Variants in SEPTIN4 observed in about 807,000 individuals in gnomAD.
SEPTIN4 encodes the protein septin-4.
Under a neutral mutation model 107.1 loss-of-function variants are expected in SEPTIN4, and 52 were observed. The observed-to-expected ratio is 0.49, with a 90% CI of 0.39 to 0.61. The LOEUF (loss-of-function observed/expected upper bound fraction) is 0.61, where lower values mean the gene tolerates loss of function less well. SEPTIN4 is among the 20% of genes least tolerant of loss of function. The pLI, the probability that SEPTIN4 is intolerant of heterozygous loss-of-function variation, is 0.00. For synonymous variants in SEPTIN4, 417 were observed against 467.0 expected (o/e 0.89, Z 1.38); for missense variants, 1,048 against 1,243.5 (o/e 0.84, Z 2.36).
chr17:58,543,370 G>C lies in SEPTIN4; in HGVS notation c.817C>G (p.Leu273Val), dbSNP rs1474286068. The C allele has an allele frequency of 9.3e-6, 15 of 1,614,094 alleles. No homozygotes were observed. Among genetic ancestry groups the C allele is most frequent in the Non-Finnish European group, 1.3e-5 (15 of 1,180,046 alleles). ...GAATCTTTAAGGACAGAGAGTTTGA[G>C]CAATGAGTCCAAGTTCATATTCCTA... The part of the protein sequence containing the change: ...LYRNMNLDSL[L>V]KLSVLKDSDG... The change falls in exon 1 of 14, where the codon CTC (leucine) becomes GTC (valine). Residue 273 changes from leucine (L) to valine (V), a missense_variant. Leu to Val is a conservative substitution (Grantham distance 32). This residue lies in a region of SEPTIN4 where 787 missense variants were observed against 871.8 expected (regional missense o/e 0.90). Coordinates refer to ENST00000672673, the MANE Select transcript of SEPTIN4 (RefSeq NM_001368771.2).
At chr17:58,527,871 C>A in intron 3 of SEPTIN4, 1 of 985,772 alleles carries the variant, frequency 1.0e-6, no homozygotes, top group Non-Finnish European at 1.2e-6. Flanking sequence ...CTGGCCTGAA[C>A]CATGACCCAC....
intron 3 of SEPTIN4, chr17:58,529,338 G>A: frequency 6.8e-7 from 1 of 1,479,600 alleles, no homozygotes; most frequent in Middle Eastern, 1.8e-4. Context: ...TCTGGCAGGG[G>A]CCAAAAAAGC....
chr17:58,533,863 G>C (rs1026289189), intron 3 of SEPTIN4, among the ~76,000 whole-genome samples: 18 of 152,224 alleles, frequency 1.2e-4, no homozygotes, highest in Admixed American at 1.1e-3. Context: ...CGTGCTTCCA[G>C]AGTCCTGTGG....
chr17:58,529,191 T>G lies in SEPTIN4; in HGVS notation c.1615-2213A>C, dbSNP rs767826411. 3 of 1,614,040 alleles carry G rather than the reference T, an allele frequency of 1.9e-6. No homozygotes were observed. In the African/African-American group the frequency reaches 4.0e-5, roughly 22 times the overall value. ...ACGGTCCATGTCCCACGCTTCAGAC[T>G]CCCTGTCAGAAAGCTCTAGGTCTAA... On this transcript the variant is annotated intron_variant, in intron 3 of 13. Transcript: ENST00000672673.
In SEPTIN4 at chr17:58,539,131, A is replaced by G. The variant is rs116249969; in HGVS notation, c.1614+1535T>C. Reference sequence around the variant, plus strand: ...TCCTACCTCCAGAGAGTCAGAGAAGACCAGCAGCCCAGCTGCTTGGGAGCC... The same window carrying G: ...TCCTACCTCCAGAGAGTCAGAGAAGGCCAGCAGCCCAGCTGCTTGGGAGCC... On this transcript the variant is annotated intron_variant, in intron 3 of 13. Coordinates refer to ENST00000672673, the MANE Select transcript of SEPTIN4 (RefSeq NM_001368771.2). The G allele has an allele frequency of 1.9e-3, 2,913 of 1,533,408 alleles. 56 individuals are homozygous for G. In the African/African-American group the frequency reaches 0.036, roughly 19 times the overall value. 95.0% of individuals were successfully genotyped at this position (1,533,408 alleles called of 1,614,324 possible). A position where few individuals can be genotyped will look rare whatever the true frequency, so the allele number is the denominator to read the frequency against.
At chr17:58,535,916 C>T (rs12942018) in intron 3 of SEPTIN4, among the ~76,000 whole-genome samples, 34,453 of 152,126 alleles carry the variant, frequency 0.23, 4,257 homozygotes, top group South Asian at 0.33. Flanking sequence ...AGCCTTGAGG[C>T]TCTGCGCTTC....
In SEPTIN4 at chr17:58,522,114, C is replaced by T. The variant is rs377594269; in HGVS notation, c.2217-13G>A. ...CACAGGCTTCCAGCTGGGGCAGGGACAGACAAGCAGAGAAACTGTGAGAGT... is the reference window on the plus strand; with the variant it reads ...CACAGGCTTCCAGCTGGGGCAGGGATAGACAAGCAGAGAAACTGTGAGAGT... On this transcript the variant is annotated splice_polypyrimidine_tract_variant and intron_variant, in intron 7 of 13. Transcript: ENST00000672673. 2 of 1,613,936 alleles carry T rather than the reference C, an allele frequency of 1.2e-6. No homozygotes were observed. The highest frequency in any genetic ancestry group is 4.5e-5 in the East Asian group (2 of 44,880).
At chr17:58,537,924 G>A (rs1452168615) in intron 3 of SEPTIN4, among the ~76,000 whole-genome samples, 1 of 150,892 alleles carries the variant, frequency 6.6e-6, no homozygotes, top group East Asian at 2.0e-4. Flanking sequence ...TCAACTACGA[G>A]CCTCTGCCCA....
intron 3 of SEPTIN4, among the ~76,000 whole-genome samples, chr17:58,534,511 G>A (rs1480339278): frequency 1.3e-5 from 2 of 152,210 alleles, no homozygotes; most frequent in Non-Finnish European, 2.9e-5. Context: ...AGTCACTGGG[G>A]ATTTACCGAG....
intron 3 of SEPTIN4, chr17:58,529,491 C>A (rs1207133957): frequency 2.2e-5 from 28 of 1,257,640 alleles, no homozygotes; most frequent in Admixed American, 2.0e-4. Flanking sequence ...CGCCTGCCTG[C>A]TGCCTACCCT....
intron 2 of SEPTIN4, chr17:58,541,646 C>T (rs1310494203): frequency 1.2e-6 from 1 of 862,350 alleles, no homozygotes; most frequent in Non-Finnish European, 1.8e-6. Context: ...ACCAACTAAG[C>T]TGAAAAGGCC....
chr17:58,526,642 G>A, intron 4 of SEPTIN4, 40 bp downstream of exon 4: 1 of 1,528,474 alleles, frequency 6.5e-7, no homozygotes, highest in Non-Finnish European at 8.7e-7. Flanking sequence ...TCTTCCTGCA[G>A]CAGCCCACTG....
chr17:58,540,896 A>C (rs2043861325), intron 2 of SEPTIN4: 2 of 393,170 alleles, frequency 5.1e-6, no homozygotes, highest in Non-Finnish European at 9.0e-6. Context: ...ATTGGTAATA[A>C]CTTGTAATAA....
chr17:58,537,344 G>A (rs538807109), intron 3 of SEPTIN4, among the ~76,000 whole-genome samples: 15 of 152,268 alleles, frequency 9.9e-5, no homozygotes, highest in Non-Finnish European at 1.8e-4. Flanking sequence ...AACCAGCAAA[G>A]TCCCAGGCAA....
rs1425549655 is a variant in SEPTIN4 at position 58,525,743 on chromosome 17, G to T, written c.2044C>A (p.Leu682Ile). The stretch of plus-strand genomic sequence containing the variant: ...TCCCGGTACAGATCAGTGAGGAAGA[G>T]GCTATTGACAAGTGTGGATTTGCCC... ...GLGKSTLVNS[L>I]FLTDLYRDRK... is the part of the protein sequence containing the mutation. The change falls in exon 6 of 14, where the codon CTC becomes ATC. Residue 682 changes from leucine to isoleucine, a missense_variant. By Grantham distance (5) the Leu-to-Ile change is conservative. Transcript: ENST00000672673. The T allele has an allele frequency of 6.2e-7, 1 of 1,614,074 alleles. No homozygotes were observed. The highest frequency in any genetic ancestry group is 8.5e-7 in the Non-Finnish European group (1 of 1,180,038).
rs115179582 is a variant in SEPTIN4 at position 58,528,117 on chromosome 17, G to A, written c.1615-1139C>T. Reference sequence around the variant, plus strand: ...ACAATGGACAAGGGCCGGCTGCAGAGGCTGACTCACTCTCTGAGGGTTAGC... The same window carrying A: ...ACAATGGACAAGGGCCGGCTGCAGAAGCTGACTCACTCTCTGAGGGTTAGC... On this transcript the variant is annotated intron_variant, in intron 3 of 13. Transcript: ENST00000672673. 4,863 of 843,838 alleles carry A rather than the reference G, an allele frequency of 5.8e-3. 203 individuals carry two copies. In the African/African-American group the frequency reaches 0.082, roughly 14 times the overall value. The allele number at this position is 843,838 out of a possible 1,614,324, so 52.3% of individuals were successfully genotyped here.
At chr17:58,529,501 T>G in intron 3 of SEPTIN4, 41 of 1,170,964 alleles carry the variant, frequency 3.5e-5, no homozygotes, top group Non-Finnish European at 4.4e-5. Flanking sequence ...CTGCCTACCC[T>G]GGTGGGCACA....
intron 3 of SEPTIN4, chr17:58,527,391 T>A (rs2043035057): frequency 5.5e-6 from 2 of 363,580 alleles, no homozygotes; most frequent in Non-Finnish European, 1.1e-5. Context: ...GACAGAGGCA[T>A]TAAACCCAAA....
At chr17:58,542,029 C>T in intron 1 of SEPTIN4, 63 bp from the exon 2 acceptor site, 1 of 1,555,104 alleles carries the variant, frequency 6.4e-7, no homozygotes, top group Non-Finnish European at 8.8e-7. Flanking sequence ...CCACTCTCCA[C>T]TACTTGCAGC....
Sources: gnomAD v4.1 joint callset for allele counts (sites outside exome capture counted in the v4.1 genomes callset) on GRCh38, gnomAD v4.1.1 for gene constraint, gnomAD v4.1.1 regional missense constraint, MANE v1.5 for transcripts, NCBI Gene and HGNC (gene_info 2026-07-23, HGNC 2026-07-21) for gene names.